The following MACROD2 variants were observed in gnomAD, a reference collection of about 807,000 sequenced individuals.
MACROD2 encodes ADP-ribose glycohydrolase MACROD2.
A neutral mutation model predicts 70.4 loss-of-function variants in MACROD2; 36 were observed. The observed-to-expected ratio is 0.51, with a 90% CI of 0.39 to 0.68. The LOEUF (loss-of-function observed/expected upper bound fraction) is 0.68. Among genes scored for constraint, MACROD2 ranks in the 30% least tolerant of loss-of-function variants. The pLI, the probability that MACROD2 is intolerant of heterozygous loss-of-function variation, is 0.00. For synonymous variants in MACROD2, 172 were observed against 178.8 expected, an observed-to-expected ratio of 0.96 and a Z score of 0.30; for missense variants, 496 against 538.4, an observed-to-expected ratio of 0.92 and a Z score of 0.78.
intron 5 of MACROD2, among the ~76,000 whole-genome samples, chr20:14,861,942 A>G (rs1040988835): frequency 8.4e-6 from 1 of 119,198 alleles, no homozygotes; most frequent in African/African-American, 3.2e-5. Context: ...GCACACTTCC[A>G]AAGTGAAATA....
intron 8 of MACROD2, among the ~76,000 whole-genome samples, chr20:15,551,799 G>A (rs775845481): frequency 2.2e-4 from 33 of 148,724 alleles, no homozygotes; most frequent in Non-Finnish European, 4.4e-4. Context: ...GCCTGAGGAG[G>A]TCAAGGCTGC....
In MACROD2 at chr20:14,785,750, A is replaced by G. The variant is rs145081141; in HGVS notation, c.418+100791A>G. Among the ~76,000 whole-genome samples, 14 of 152,114 alleles carry G rather than the reference A, an allele frequency of 9.2e-5. No homozygotes were observed. The East Asian group carries it at 1.9e-3, about 21-fold the overall frequency. On this transcript the variant is annotated intron_variant, in intron 5 of 17. Transcript: ENST00000684519. Reference sequence around the variant, plus strand: ...CTGAGAAGGAGGCAGACCAGGGGTAATCTGGGAGATCCATGATCATTAGGG... The same window carrying G: ...CTGAGAAGGAGGCAGACCAGGGGTAGTCTGGGAGATCCATGATCATTAGGG...
At chr20:15,078,422 C>T (rs186964619) in intron 5 of MACROD2, among the ~76,000 whole-genome samples, 173 of 152,286 alleles carry the variant, frequency 1.1e-3, no homozygotes, top group African/African-American at 4.0e-3. Context: ...ATTTCAATGT[C>T]AGGCACACAC....
At chr20:14,013,273 C>CTTT (rs770856375) in intron 2 of MACROD2, among the ~76,000 whole-genome samples, 107 of 128,716 alleles carry the variant, frequency 8.3e-4, no homozygotes, top group Middle Eastern at 4.1e-3. Context: ...ACTGTACTTT[C>CTTT]TTTTTTTTTT....
At chr20:14,644,905 A>C (rs970636034) in intron 4 of MACROD2, among the ~76,000 whole-genome samples, 1 of 152,166 alleles carries the variant, frequency 6.6e-6, no homozygotes, top group South Asian at 2.1e-4. Context: ...AGGCAGTGGC[A>C]TGGAAGGGAG....
chr20:14,597,982 A>G (rs1253573449), intron 4 of MACROD2, among the ~76,000 whole-genome samples: 1 of 152,134 alleles, frequency 6.6e-6, no homozygotes, highest in Non-Finnish European at 1.5e-5. Flanking sequence ...ATAATCTTAC[A>G]AAGATCTCCA....
chr20:15,021,124 G>GTGTA lies in MACROD2; in HGVS notation c.419-208814_419-208811dup, dbSNP rs1555774657. ...TATACACGTGTATGTGTATACACGTGTGTATACACATACGTGTGTGTATAC... is the reference window on the plus strand; with the variant it reads ...TATACACGTGTATGTGTATACACGTGTGTATGTATACACATACGTGTGTGTATAC... On this transcript the variant is annotated intron_variant, in intron 5 of 17. Coordinates refer to ENST00000684519, the MANE Select transcript of MACROD2 (RefSeq NM_001351661.2). 1.4e-3 allele frequency among the ~76,000 whole-genome samples: 139 copies of GTGTA among 99,908 alleles called. 6 individuals carry two copies. The highest frequency in any genetic ancestry group is 4.2e-3 in the Admixed American group (45 of 10,790). The allele number at this position is 99,908 out of a possible 152,430, so 65.5% of individuals were successfully genotyped here. A position where few individuals can be genotyped will look rare whatever the true frequency, so the allele number is the denominator to read the frequency against.
intron 3 of MACROD2, among the ~76,000 whole-genome samples, chr20:14,104,828 T>C (rs2148681158): frequency 6.6e-6 from 1 of 152,294 alleles, no homozygotes; most frequent in South Asian, 2.1e-4. Flanking sequence ...AACAGCAGCG[T>C]TTATATTAGT....
chr20:14,407,536 G>C (rs562560676), intron 3 of MACROD2, among the ~76,000 whole-genome samples: 6 of 152,052 alleles, frequency 3.9e-5, no homozygotes, highest in Non-Finnish European at 8.8e-5. Context: ...ATTAGGTTTC[G>C]ATGTGTCATT....
At chr20:15,697,356 A>G (rs1314393619) in intron 8 of MACROD2, among the ~76,000 whole-genome samples, 1 of 152,094 alleles carries the variant, frequency 6.6e-6, no homozygotes, top group Admixed American at 6.6e-5. Context: ...ATGTATTTGC[A>G]TGGTTTTGAA....
chr20:14,532,941 G>C (rs1375713067), intron 4 of MACROD2, among the ~76,000 whole-genome samples: 4 of 152,128 alleles, frequency 2.6e-5, no homozygotes, highest in Non-Finnish European at 4.4e-5. Context: ...CAAAAGATGT[G>C]AAGCCTTATT....
chr20:14,051,680 T>C (rs1024104169), intron 2 of MACROD2: 14 of 345,418 alleles, frequency 4.1e-5, no homozygotes, highest in African/African-American at 3.0e-4. Context: ...AAATAATGAA[T>C]GGTAAAGAGA....
intron 7 of MACROD2, among the ~76,000 whole-genome samples, chr20:15,470,688 G>A (rs1445738027): frequency 6.6e-6 from 1 of 152,126 alleles, no homozygotes; most frequent in Non-Finnish European, 1.5e-5. Context: ...GTTTCTCAGT[G>A]GCAGGACACT....
At chr20:14,057,483 A>G (rs1483566459) in intron 2 of MACROD2, among the ~76,000 whole-genome samples, 1 of 152,198 alleles carries the variant, frequency 6.6e-6, no homozygotes, top group Non-Finnish European at 1.5e-5. Flanking sequence ...CTGTAAAGAC[A>G]TAATATTAAC....
chr20:14,122,751 A>G (rs1259668247), intron 3 of MACROD2, among the ~76,000 whole-genome samples: 1 of 152,230 alleles, frequency 6.6e-6, no homozygotes, highest in Non-Finnish European at 1.5e-5. Flanking sequence ...GGAGTTCTGA[A>G]CAACTATAGA....
chr20:15,716,958 A>G (rs2050716373), intron 8 of MACROD2, among the ~76,000 whole-genome samples: 1 of 152,226 alleles, frequency 6.6e-6, no homozygotes, highest in Non-Finnish European at 1.5e-5. Flanking sequence ...TCTTGTGGAC[A>G]GCTTCCTCAA....
chr20:14,820,492 G>A (rs2072831224), intron 5 of MACROD2, among the ~76,000 whole-genome samples: 1 of 151,666 alleles, frequency 6.6e-6, no homozygotes, highest in South Asian at 2.1e-4. Flanking sequence ...GGAAAGTTGG[G>A]CCCAAGGCAT....
chr20:15,762,363 A>G (rs2051450069), intron 8 of MACROD2, among the ~76,000 whole-genome samples: 1 of 152,152 alleles, frequency 6.6e-6, no homozygotes, highest in Non-Finnish European at 1.5e-5. Context: ...TCTGCCCTCA[A>G]TTCCATGTTT....
Position 14,253,634 on chromosome 20 carries a change from G to A in MACROD2, c.271+167906G>A, listed in dbSNP as rs139361114. 9.3e-4 allele frequency among the ~76,000 whole-genome samples: 142 copies of A among 152,094 alleles called. 1 individual carries two copies. The highest frequency in any genetic ancestry group is 3.4e-3 in the Middle Eastern group (1 of 294). ...CTGTTCTTATTCTCTACACTTCCTT[G>A]CAATTGAAATCAAGTACAATGCTTT... On this transcript the variant is annotated intron_variant, in intron 3 of 17. Transcript: ENST00000684519.
Sources: gnomAD v4.1 joint callset for allele counts (sites outside exome capture counted in the v4.1 genomes callset) on GRCh38, gnomAD v4.1.1 for gene constraint, MANE v1.5 for transcripts, NCBI Gene and HGNC (gene_info 2026-07-23, HGNC 2026-07-21) for gene names.